Variants in PRSS48 observed in about 807,000 individuals in gnomAD.
PRSS48 encodes serine protease 48.
Under a neutral mutation model 25.6 loss-of-function variants are expected in PRSS48, and 21 were observed. The observed-to-expected ratio is 0.82, with a 90% confidence interval of 0.58 to 1.18. The LOEUF (loss-of-function observed/expected upper bound fraction) is 1.18, where lower values mean the gene tolerates loss of function less well. Ranked by LOEUF, PRSS48 falls within the 50% of genes most tolerant of loss-of-function variation. The pLI is 0.00. For missense variants in PRSS48, 373 were observed against 399.3 expected, an observed-to-expected ratio of 0.93 and a Z score of 0.56; for synonymous variants, 150 against 149.3, an observed-to-expected ratio of 1.00 and a Z score of -0.04.
At chr4:151,291,071 T>C in intron 4 of PRSS48, 47 bp from the exon 5 acceptor site, 2 of 1,436,636 alleles carry the variant, frequency 1.4e-6, no homozygotes, top group South Asian at 2.5e-5. Flanking sequence ...TACTCTCTTC[T>C]TTATGCCTCT....
intron 4 of PRSS48, among the ~76,000 whole-genome samples, chr4:151,286,184 GAAAAAAAA>G (rs56850648): frequency 2.1e-4 from 18 of 86,624 alleles, no homozygotes; most frequent in African/African-American, 7.0e-4. Flanking sequence ...CTGTCTTAAA[GAAAAAAAA>G]AAAAAAAAAA....
downstream of PRSS48, chr4:151,291,462 A>G (rs1456937286): frequency 6.5e-7 from 1 of 1,544,764 alleles, no homozygotes; most frequent in East Asian, 2.3e-5. Flanking sequence ...AACTCACAGG[A>G]GAGCCACTGC....
chr4:151,282,154 G>C (rs1425989091), exon 3 of PRSS48: 1 of 1,613,654 alleles, frequency 6.2e-7, no homozygotes, highest in Non-Finnish European at 8.5e-7. Flanking sequence ...ATAGGACCTG[G>C]ACTACTTTTT....
At chr4:151,291,196 T>C in exon 5 of PRSS48, 1 of 1,613,678 alleles carries the variant, frequency 6.2e-7, no homozygotes. Context: ...GGGATTAGAA[T>C]GTGGTAAATC....
chr4:151,280,050 A>C, intron 2 of PRSS48, 92 bp downstream of exon 2: 1 of 1,454,214 alleles, frequency 6.9e-7, no homozygotes. Flanking sequence ...TGAAAGTGGT[A>C]AAATAGGCAG....
intron 4 of PRSS48, among the ~76,000 whole-genome samples, chr4:151,288,239 C>T (rs1360950520): frequency 6.6e-6 from 1 of 152,164 alleles, no homozygotes. Context: ...CTATTCTTGT[C>T]ATTTCTATGC....
intron 4 of PRSS48, among the ~76,000 whole-genome samples, chr4:151,283,508 C>CTTTTTTTTTT (rs5862956): frequency 7.9e-6 from 1 of 126,540 alleles, no homozygotes. Context: ...GGTCATTGGA[C>CTTTTTTTTTT]TTTTTTTTTT....
At chr4:151,284,957 A>G (rs1359277061) in intron 4 of PRSS48, among the ~76,000 whole-genome samples, 1 of 152,134 alleles carries the variant, frequency 6.6e-6, no homozygotes, top group African/African-American at 2.4e-5. Context: ...CCTTTCTGGT[A>G]TATTTCCCTG....
intron 4 of PRSS48, among the ~76,000 whole-genome samples, chr4:151,286,184 G>GAAAAAAAAAAAAAAAAAAAAAAAA: frequency 1.2e-5 from 1 of 86,628 alleles, no homozygotes; most frequent in Non-Finnish European, 2.0e-5. Flanking sequence ...CTGTCTTAAA[G>GAAAAAAAAAAAAAAAAAAAAAAAA]AAAAAAAAAA....
chr4:151,289,219 A>G (rs990204125), intron 4 of PRSS48, among the ~76,000 whole-genome samples: 3 of 152,256 alleles, frequency 2.0e-5, no homozygotes, highest in African/African-American at 2.4e-5. Flanking sequence ...ACCTCGCCAT[A>G]TAACAAATTA....
At chr4:151,281,699 T>A (rs193189737) in intron 2 of PRSS48, among the ~76,000 whole-genome samples, 2 of 149,278 alleles carry the variant, frequency 1.3e-5, no homozygotes, top group African/African-American at 2.5e-5. Context: ...TTATTTATTT[T>A]GTACATCTTA....
intron 4 of PRSS48, among the ~76,000 whole-genome samples, chr4:151,287,935 G>A (rs1261220474): frequency 6.6e-6 from 1 of 152,026 alleles, no homozygotes; most frequent in African/African-American, 2.4e-5. Flanking sequence ...AAACAACTGG[G>A]ATTTATCCCA....
rs370098536 is a variant in PRSS48 at position 151,279,825 on chromosome 4, G to A, written c.82G>A (p.Val28Ile). Residue 28 changes from valine to isoleucine, a missense_variant, in exon 2 of 5, where the codon GTT (valine) becomes ATT (isoleucine). Coordinates refer to ENST00000455694, the Ensembl canonical transcript of PRSS48. ...TGGGCAACCTGTATACTCCAGCCGC[G>A]TTGTAGGTGGCCAGGATGCTGCTGC... 29 of 1,613,760 alleles carry A rather than the reference G, an allele frequency of 1.8e-5. No homozygotes were observed. The highest frequency in any genetic ancestry group is 3.3e-5 in the Admixed American group (2 of 59,990).
intron 4 of PRSS48, among the ~76,000 whole-genome samples, 195 bp downstream of exon 4, chr4:151,283,481 G>C (rs1774443609): frequency 6.7e-6 from 1 of 148,528 alleles, no homozygotes; most frequent in Non-Finnish European, 1.5e-5. Flanking sequence ...TATTGATCTA[G>C]ACCAATACTA....
intron 3 of PRSS48, 74 bp downstream of exon 3, chr4:151,282,487 T>C (rs2150009379): frequency 6.8e-7 from 1 of 1,471,436 alleles, no homozygotes; most frequent in East Asian, 2.3e-5. Context: ...ATTCTAGGCA[T>C]ATCCTTACCA....
intron 3 of PRSS48, among the ~76,000 whole-genome samples, chr4:151,282,722 T>C (rs1295662083): frequency 2.0e-5 from 3 of 152,130 alleles, no homozygotes; most frequent in Non-Finnish European, 2.9e-5. Flanking sequence ...GTCTAGTGTT[T>C]TTTAACTGTT....
chr4:151,282,429 G>C lies in PRSS48; in HGVS notation c.481+16G>C. The C allele has an allele frequency of 6.2e-7, 1 of 1,612,708 alleles. No homozygotes were observed. Among genetic ancestry groups the C allele is most frequent in the Non-Finnish European group, 8.5e-7 (1 of 1,178,954 alleles). ...GAAAGTTCAGGTGAGAATGGGCAGA[G>C]AGAAGGGTTGTTTCATATGTCATCC... On this transcript the variant is annotated intron_variant, in intron 3 of 4. Coordinates refer to ENST00000455694, the Ensembl canonical transcript of PRSS48.
At chr4:151,286,195 A>C (rs1165023188) in intron 4 of PRSS48, among the ~76,000 whole-genome samples, 2 of 149,918 alleles carry the variant, frequency 1.3e-5, no homozygotes, top group Non-Finnish European at 3.0e-5. Flanking sequence ...AAAAAAAAAA[A>C]AAAAAAAAAC....
Position 151,279,960 on chromosome 4 carries a change from TG to T in PRSS48, c.215+3del. ...GACAGCAGCACACTGCATACAACCGTGAGTTCTAGCTGGCAGCTAACACACA... is the reference window on the plus strand; with the variant it reads ...GACAGCAGCACACTGCATACAACCGTAGTTCTAGCTGGCAGCTAACACACA... On this transcript the variant is annotated splice_donor_region_variant and intron_variant, in intron 2 of 4. Coordinates refer to ENST00000455694, the Ensembl canonical transcript of PRSS48. 1 of 1,612,960 alleles carries T rather than the reference TG, an allele frequency of 6.2e-7. No homozygotes were observed. Among genetic ancestry groups the T allele is most frequent in the Middle Eastern group, 1.9e-4 (1 of 5,390 alleles).
Sources: allele counts gnomAD v4.1 joint callset (sites outside exome capture counted in the v4.1 genomes callset), GRCh38; gene constraint gnomAD v4.1.1; transcripts MANE v1.5; gene names NCBI Gene and HGNC (gene_info 2026-07-23, HGNC 2026-07-21).